The following SENP7 variants were observed in gnomAD, a reference collection of about 807,000 sequenced individuals.
SENP7 encodes sentrin-specific protease 7.
SENP7 carries 64 observed loss-of-function variants against 141.2 expected under a neutral mutation model. The observed-to-expected ratio is 0.45, with a 90% CI of 0.37 to 0.56. The LOEUF (loss-of-function observed/expected upper bound fraction) is 0.56. Among genes scored for constraint, SENP7 ranks in the 20% least tolerant of loss-of-function variants. The pLI is 0.00. For synonymous variants in SENP7, 382 were observed against 426.4 expected (o/e 0.90, Z 1.28); for missense variants, 1,025 against 1,212.2 (o/e 0.85, Z 2.29).
In SENP7 at chr3:101,327,668, T is replaced by C. The variant is rs1424843954; in HGVS notation, c.3013A>G (p.Lys1005Glu). Residue 1005 changes from lysine to glutamate, a missense_variant and splice_region_variant, in exon 23 of 24, where the codon AAG becomes GAG. By Grantham distance (56) the Lys-to-Glu change is moderately conservative. Transcript: ENST00000394095. ...YLLQYVESFF[K>E]DPIVNFELPI... Reference sequence around the variant, plus strand: ...AACTTATTTATAGCTTCACATACCTTGAAGAAGCTTTCCACATACTGCAAT... The same window carrying C: ...AACTTATTTATAGCTTCACATACCTCGAAGAAGCTTTCCACATACTGCAAT... 1 of 1,595,036 alleles carries C rather than the reference T, an allele frequency of 6.3e-7. No individual in the cohort carries two copies. Among genetic ancestry groups the C allele is most frequent in the African/African-American group, 1.4e-5 (1 of 73,844 alleles).
chr3:101,488,492 C>T (rs2064822482), intron 3 of SENP7, among the ~76,000 whole-genome samples: 1 of 152,174 alleles, frequency 6.6e-6, no homozygotes, highest in African/African-American at 2.4e-5. Flanking sequence ...AATACGCAAA[C>T]TGGAAAATAC....
intron 13 of SENP7, among the ~76,000 whole-genome samples, chr3:101,344,780 C>T (rs554525732): frequency 5.5e-4 from 84 of 152,020 alleles, no homozygotes; most frequent in African/African-American, 1.7e-3. Context: ...GCAAAGACTT[C>T]TATATTTTAT....
At chr3:101,395,467 T>C (rs550202790) in intron 6 of SENP7, among the ~76,000 whole-genome samples, 131 of 152,332 alleles carry the variant, frequency 8.6e-4, no homozygotes, top group African/African-American at 3.1e-3. Context: ...GATTTATTTA[T>C]AGGTTCTCTG....
chr3:101,375,877 AT>A (rs1245190200), intron 6 of SENP7, among the ~76,000 whole-genome samples: 2 of 152,208 alleles, frequency 1.3e-5, no homozygotes, highest in African/African-American at 4.8e-5. Flanking sequence ...AAAAGGACAA[AT>A]ATTGTGTGAT....
intron 6 of SENP7, among the ~76,000 whole-genome samples, chr3:101,385,512 C>T (rs922940948): frequency 3.9e-5 from 6 of 152,196 alleles, no homozygotes; most frequent in Admixed American, 1.3e-4. Context: ...TCCACCTAAA[C>T]TTAGGGCCTC....
At chr3:101,464,778 A>G (rs1381606702) in intron 3 of SENP7, among the ~76,000 whole-genome samples, 1 of 152,108 alleles carries the variant, frequency 6.6e-6, no homozygotes, top group Non-Finnish European at 1.5e-5. Context: ...ATCCATAGAA[A>G]AATTGTCTTC....
At chr3:101,427,675 GA>G (rs2107698407) in intron 4 of SENP7, among the ~76,000 whole-genome samples, 1 of 151,694 alleles carries the variant, frequency 6.6e-6, no homozygotes, top group African/African-American at 2.4e-5. Context: ...TTCTTTTGAA[GA>G]AAAGAATATC....
At chr3:101,448,517 G>A (rs2062986636) in intron 4 of SENP7, among the ~76,000 whole-genome samples, 1 of 152,218 alleles carries the variant, frequency 6.6e-6, no homozygotes, top group Admixed American at 6.5e-5. Flanking sequence ...CTGCAGAACA[G>A]CGGATACTGG....
chr3:101,354,650 G>A (rs2059692524), intron 11 of SENP7, among the ~76,000 whole-genome samples: 1 of 151,934 alleles, frequency 6.6e-6, no homozygotes, highest in Admixed American at 6.6e-5. Flanking sequence ...GTCATTGTTG[G>A]GCACTTAGGT....
intron 1 of SENP7, among the ~76,000 whole-genome samples, chr3:101,510,659 C>A (rs1231859239): frequency 6.6e-6 from 1 of 151,940 alleles, no homozygotes; most frequent in Non-Finnish European, 1.5e-5. Context: ...TTGAGACCAG[C>A]CTGGCCAACA....
chr3:101,493,848 A>G, intron 3 of SENP7, 25 bp downstream of exon 3: 1 of 1,346,244 alleles, frequency 7.4e-7, no homozygotes, highest in Non-Finnish European at 1.0e-6. Flanking sequence ...CTGTATACTT[A>G]AAATAAATTA....
At chr3:101,416,655 G>A (rs191723593) in intron 5 of SENP7, among the ~76,000 whole-genome samples, 338 of 152,170 alleles carry the variant, frequency 2.2e-3, no homozygotes, top group Non-Finnish European at 3.6e-3. Context: ...AAATTTCTTC[G>A]TTAAACTTGG....
chr3:101,410,487 C>A (rs1216886914), intron 5 of SENP7, among the ~76,000 whole-genome samples: 1 of 152,142 alleles, frequency 6.6e-6, no homozygotes, highest in Non-Finnish European at 1.5e-5. Flanking sequence ...TTTATAGGAG[C>A]ACAATTCACA....
chr3:101,421,098 GTATAT>G (rs1447536759), intron 4 of SENP7, among the ~76,000 whole-genome samples: 1 of 152,042 alleles, frequency 6.6e-6, no homozygotes, highest in Admixed American at 6.6e-5. Flanking sequence ...TTTCTTGATA[GTATAT>G]TATAATTGTT....
At chr3:101,477,591 C>T (rs966402973) in intron 3 of SENP7, among the ~76,000 whole-genome samples, 5 of 152,156 alleles carry the variant, frequency 3.3e-5, no homozygotes, top group Admixed American at 1.3e-4. Flanking sequence ...TAGCTCATGC[C>T]TGTGATCCCA....
intron 13 of SENP7, among the ~76,000 whole-genome samples, chr3:101,344,907 CA>C (rs2059415961): frequency 7.2e-6 from 1 of 138,344 alleles, no homozygotes; most frequent in Admixed American, 8.0e-5. Context: ...TTTGGGAGGC[CA>C]AGGCAGGAGG....
In SENP7 at chr3:101,331,112, G is replaced by C. The variant is rs536883359; in HGVS notation, c.2699-726C>G. 7.9e-5 allele frequency among the ~76,000 whole-genome samples: 10 copies of C among 125,904 alleles called. No homozygotes were observed. In the East Asian group the frequency reaches 2.6e-3, roughly 32 times the overall value. 82.6% of individuals were successfully genotyped at this position (125,904 alleles called of 152,430 possible). On this transcript the variant is annotated intron_variant, in intron 19 of 23. Transcript: ENST00000394095. ...ATTCCTAGTCATGTTAGCAAACCTA[G>C]TGTATTTTTTAAAATGGTATAATAC...
rs187506900 is a variant in SENP7, at chr3:101,370,196, A to C, written c.796+1812T>G. 3.3e-5 allele frequency among the ~76,000 whole-genome samples: 5 copies of C among 152,292 alleles called. No individual in the cohort carries two copies. The East Asian group carries it at 7.7e-4, about 23-fold the overall frequency. On this transcript the variant is annotated intron_variant, in intron 7 of 23. Coordinates refer to ENST00000394095, the MANE Select transcript of SENP7 (RefSeq NM_020654.5). ...TTTGTCATGTACTCTTCCCTGATGCATGTCTAAAATGCCACTGTGATCTTG... is the reference window on the plus strand; with the variant it reads ...TTTGTCATGTACTCTTCCCTGATGCCTGTCTAAAATGCCACTGTGATCTTG...
intron 11 of SENP7, among the ~76,000 whole-genome samples, chr3:101,354,085 A>AT (rs1358670664): frequency 2.0e-5 from 3 of 151,870 alleles, no homozygotes; most frequent in East Asian, 1.9e-4. Context: ...TATACTTAAA[A>AT]TTTTTTTTAA....
Sources: gnomAD v4.1 joint callset for allele counts (sites outside exome capture counted in the v4.1 genomes callset) on GRCh38, gnomAD v4.1.1 for gene constraint, MANE v1.5 for transcripts, NCBI Gene and HGNC (gene_info 2026-07-23, HGNC 2026-07-21) for gene names.